The following SLC9A8 variants were observed in gnomAD, a reference collection of about 807,000 sequenced individuals.
SLC9A8 encodes sodium/hydrogen exchanger 8.
In SLC9A8, 48 loss-of-function variants were observed where a neutral mutation model predicts 66.6. That is an observed-to-expected ratio of 0.72 (90% CI 0.57 to 0.92). SLC9A8 has a LOEUF of 0.92. Among genes scored for constraint, SLC9A8 ranks in the 40% least tolerant of loss-of-function variants. The probability of loss-of-function intolerance (pLI) is 0.00; values close to 1 mark genes in which losing one functional copy is unlikely to be tolerated. For synonymous variants in SLC9A8, 274 were observed against 282.6 expected, an observed-to-expected ratio of 0.97 and a Z score of 0.31; for missense variants, 599 against 747.3, an observed-to-expected ratio of 0.80 and a Z score of 2.31.
chr20:49,829,817 A>G, intron 3 of SLC9A8: 1 of 558,024 alleles, frequency 1.8e-6, no homozygotes, highest in Non-Finnish European at 3.6e-6. Flanking sequence ...GAGAAGTGCA[A>G]ACAGCCTGTC....
At chr20:49,863,355 C>T (rs753201229) in intron 9 of SLC9A8, among the ~76,000 whole-genome samples, 48 of 152,134 alleles carry the variant, frequency 3.2e-4, no homozygotes, top group Non-Finnish European at 6.2e-4. Context: ...AACCACACTC[C>T]GATGATTTTC....
chr20:49,820,953 T>A (rs896534815), intron 2 of SLC9A8, among the ~76,000 whole-genome samples: 14 of 152,234 alleles, frequency 9.2e-5, no homozygotes, highest in African/African-American at 3.4e-4. Context: ...TCTATTCATG[T>A]CCTATGCCCG....
intron 7 of SLC9A8, among the ~76,000 whole-genome samples, chr20:49,851,312 G>A (rs1337804534): frequency 6.6e-6 from 1 of 152,168 alleles, no homozygotes; most frequent in Non-Finnish European, 1.5e-5. Context: ...ATTGTAGAAA[G>A]CCCCTCCATC....
intron 13 of SLC9A8, among the ~76,000 whole-genome samples, chr20:49,881,884 GTTT>G: frequency 6.6e-6 from 1 of 152,286 alleles, no homozygotes; most frequent in Non-Finnish European, 1.5e-5. Flanking sequence ...TGTGTCAGAG[GTTT>G]TTGAAGTGAT....
Position 49,829,679 on chromosome 20 carries a change from G to A in SLC9A8, c.289+6538G>A, listed in dbSNP as rs1039702107. ...ACAAGGGTAAACTATTCCAGCAAGC[G>A]GTGGATGCCGCCAAAGAGTTTCTCA... On this transcript the variant is annotated intron_variant, in intron 3 of 15. Transcript: ENST00000361573. 7 of 475,938 alleles carry A rather than the reference G, an allele frequency of 1.5e-5. 1 individual carries two copies. The highest frequency in any genetic ancestry group is 2.6e-5 in the Admixed American group (1 of 38,210). The allele number at this position is 475,938 out of a possible 1,614,324, so 29.5% of individuals were successfully genotyped here.
intron 3 of SLC9A8, among the ~76,000 whole-genome samples, chr20:49,837,189 T>C (rs1349268854): frequency 2.6e-5 from 4 of 152,236 alleles, no homozygotes. Flanking sequence ...TCCCTGCTTC[T>C]AGTTGTCCCA....
chr20:49,869,423 C>T (rs1157388491), intron 10 of SLC9A8, among the ~76,000 whole-genome samples: 1 of 151,704 alleles, frequency 6.6e-6, no homozygotes, highest in East Asian at 2.0e-4. Flanking sequence ...AGGGTTTCAC[C>T]ATCTTGGCCA....
At chr20:49,835,962 G>A (rs1398754994) in intron 3 of SLC9A8, among the ~76,000 whole-genome samples, 3 of 151,802 alleles carry the variant, frequency 2.0e-5, no homozygotes, top group Admixed American at 1.3e-4. Context: ...GAGCCACCAT[G>A]CCCAGCCAAT....
intron 3 of SLC9A8, among the ~76,000 whole-genome samples, chr20:49,826,205 G>A (rs779201959): frequency 6.6e-6 from 1 of 152,178 alleles, no homozygotes; most frequent in Non-Finnish European, 1.5e-5. Context: ...TATGTTAGAG[G>A]ACATTTGGTT....
At chr20:49,867,255 A>T (rs1259171988) in intron 10 of SLC9A8, among the ~76,000 whole-genome samples, 2 of 151,960 alleles carry the variant, frequency 1.3e-5, no homozygotes, top group African/African-American at 4.8e-5. Context: ...TTTAAAAACA[A>T]TTTTTTTTGT....
At position 49,839,533 on chromosome 20, in the gene SLC9A8, T is replaced by G; in HGVS notation, c.290-8T>G. ...AATTTATGTTAAAGTTTACATTTTC[T>G]CTTGTAGGTATTCTCATGGGAGCAG... On this transcript the variant is annotated splice_polypyrimidine_tract_variant and splice_region_variant and intron_variant, in intron 3 of 15. Transcript: ENST00000361573. 2.0e-6 allele frequency: 3 copies of G among 1,501,746 alleles called. No homozygotes were observed. Among genetic ancestry groups the G allele is most frequent in the Non-Finnish European group, 2.8e-6 (3 of 1,086,906 alleles). 93.0% of individuals were successfully genotyped at this position (1,501,746 alleles called of 1,614,324 possible).
intron 1 of SLC9A8, 116 bp from the exon 2 acceptor site, chr20:49,814,892 A>T: frequency 1.3e-6 from 1 of 784,220 alleles, no homozygotes; most frequent in Non-Finnish European, 1.9e-6. Context: ...CCTGCCTGTT[A>T]AAGACTTCTG....
intron 8 of SLC9A8, among the ~76,000 whole-genome samples, chr20:49,861,514 G>T (rs1438059368): frequency 6.6e-6 from 1 of 152,114 alleles, no homozygotes; most frequent in Admixed American, 6.5e-5. Flanking sequence ...CTGCACTTCT[G>T]CCTGGGTGAC....
At chr20:49,839,689 T>G in intron 4 of SLC9A8, 90 bp downstream of exon 4, 1 of 728,390 alleles carries the variant, frequency 1.4e-6, no homozygotes. Context: ...GTGGAGTTAT[T>G]TATATTATTA....
At chr20:49,850,992 A>G (rs1163850560) in intron 7 of SLC9A8, 148 bp downstream of exon 7, 4 of 578,750 alleles carry the variant, frequency 6.9e-6, no homozygotes, top group Non-Finnish European at 1.2e-5. Context: ...TCTTACTCTG[A>G]GTTAATTTGT....
Position 49,863,073 on chromosome 20 carries a change from C to G in SLC9A8, c.852+6C>G, listed in dbSNP as rs771214219. 2.5e-6 allele frequency: 4 copies of G among 1,605,894 alleles called. No individual in the cohort carries two copies. The highest frequency in any genetic ancestry group is 2.6e-6 in the Non-Finnish European group (3 of 1,176,182). ...CTGGCTTAATTTCTGCATTAATATC[C>G]TTTTAATGTGATGAACATGCAGGGT... On this transcript the variant is annotated splice_donor_region_variant and intron_variant, in intron 9 of 15. Coordinates refer to ENST00000361573, the MANE Select transcript of SLC9A8 (RefSeq NM_015266.3).
intron 3 of SLC9A8, among the ~76,000 whole-genome samples, chr20:49,824,656 C>A (rs886589885): frequency 1.3e-5 from 2 of 152,156 alleles, no homozygotes; most frequent in African/African-American, 4.8e-5. Context: ...TTGCTGAACA[C>A]CAGTGCTTCT....
At chr20:49,859,554 A>T (rs909480236) in intron 8 of SLC9A8, among the ~76,000 whole-genome samples, 4 of 151,872 alleles carry the variant, frequency 2.6e-5, no homozygotes, top group African/African-American at 9.7e-5. Context: ...TGGTTATCAG[A>T]ATCATACCTG....
intron 5 of SLC9A8, 123 bp from the exon 6 acceptor site, chr20:49,849,456 G>T (rs891496971): frequency 2.5e-5 from 18 of 707,900 alleles, no homozygotes; most frequent in Admixed American, 1.1e-4. Context: ...TGCCACACAG[G>T]TTGGGCAGTG....
Sources: allele counts gnomAD v4.1 joint callset (sites outside exome capture counted in the v4.1 genomes callset), GRCh38; gene constraint gnomAD v4.1.1; transcripts MANE v1.5; gene names NCBI Gene and HGNC (gene_info 2026-07-23, HGNC 2026-07-21).